The following F13A1 variants were observed in gnomAD, a reference collection of about 807,000 sequenced individuals.
F13A1 encodes coagulation factor XIII A chain.
F13A1 carries 47 observed loss-of-function variants against 80.1 expected under a neutral mutation model. The ratio of observed to expected loss-of-function variants is 0.59; its 90% CI spans 0.46 to 0.75. The LOEUF (loss-of-function observed/expected upper bound fraction) is 0.75. F13A1 is among the 30% of genes least tolerant of loss of function. The pLI is 0.00. For synonymous variants in F13A1, 349 were observed against 344.9 expected (o/e 1.01, Z -0.13); for missense variants, 817 against 930.4 (o/e 0.88, Z 1.59).
intron 8 of F13A1, chr6:6,206,587 A>C (rs1037604798): frequency 1.2e-5 from 6 of 509,270 alleles, no homozygotes; most frequent in African/African-American, 9.7e-5. Flanking sequence ...TTCCAGCAGC[A>C]GGAATGGATG....
At chr6:6,197,144 C>T (rs1446769580) in intron 9 of F13A1, 79 bp downstream of exon 9, 2 of 1,392,530 alleles carry the variant, frequency 1.4e-6, no homozygotes, top group African/African-American at 2.8e-5. Context: ...GGCGTGGTTC[C>T]CACACATCAA....
intron 14 of F13A1, among the ~76,000 whole-genome samples, chr6:6,146,984 A>C (rs1474629605): frequency 1.2e-4 from 19 of 152,240 alleles, no homozygotes; most frequent in Non-Finnish European, 1.5e-5. Context: ...ATAAAAAGGA[A>C]TGAAACAATG....
intron 10 of F13A1, among the ~76,000 whole-genome samples, chr6:6,185,342 T>C (rs1356813978): frequency 7.2e-6 from 1 of 138,658 alleles, no homozygotes; most frequent in Non-Finnish European, 1.5e-5. Context: ...GTCCATGTGA[T>C]CTCATTGTTC....
intron 12 of F13A1, among the ~76,000 whole-genome samples, chr6:6,171,480 G>A (rs1473848532): frequency 2.0e-5 from 3 of 152,154 alleles, no homozygotes; most frequent in African/African-American, 7.2e-5. Flanking sequence ...CAGCCAATCA[G>A]GCGGGCTCCA....
At chr6:6,262,579 C>G (rs150958978) in intron 4 of F13A1, among the ~76,000 whole-genome samples, 1 of 152,260 alleles carries the variant, frequency 6.6e-6, no homozygotes, top group African/African-American at 2.4e-5. Context: ...GGAGCACCCT[C>G]CCGGCATGTC....
intron 14 of F13A1, 94 bp downstream of exon 14, chr6:6,151,719 C>G: frequency 1.3e-6 from 2 of 1,552,516 alleles, no homozygotes; most frequent in Non-Finnish European, 1.8e-6. Flanking sequence ...GACATTTTCA[C>G]TGGGGAGCAG....
intron 8 of F13A1, among the ~76,000 whole-genome samples, chr6:6,210,324 GATATATATATAT>G (rs34960466): frequency 4.8e-5 from 4 of 82,906 alleles, no homozygotes; most frequent in Non-Finnish European, 7.0e-5. Context: ...TGTAGCATGT[GATATATATATAT>G]ATATATATAT....
In F13A1 at chr6:6,248,390, C is replaced by T. The variant is rs140082834; in HGVS notation, c.720G>A (p.Leu240=). The T allele has an allele frequency of 1.5e-5, 25 of 1,613,722 alleles. No homozygotes were observed. The African/African-American group carries it at 2.5e-4, about 16-fold the overall frequency. Residue 240 remains leucine, a synonymous_variant, in exon 6 of 15, where the codon CTG becomes CTA. Coordinates refer to ENST00000264870, the MANE Select transcript of F13A1 (RefSeq NM_000129.4). ...CCATTTGTGCTCTGTCCATCACATA[C>T]AGGCAAGTGTCCAGGATGCCATCTT... is the stretch of plus-strand genomic sequence containing the variant. The part of the protein sequence containing the change: ...QFEDGILDTC[L]YVMDRAQMDL...
intron 3 of F13A1, among the ~76,000 whole-genome samples, chr6:6,280,367 A>G (rs943632742): frequency 9.9e-5 from 15 of 152,246 alleles, no homozygotes; most frequent in South Asian, 2.1e-4. Context: ...CCGTGGGGGA[A>G]GTCAACGACT....
At chr6:6,217,448 T>C (rs1224233068) in intron 8 of F13A1, among the ~76,000 whole-genome samples, 4 of 147,646 alleles carry the variant, frequency 2.7e-5, no homozygotes, top group African/African-American at 5.0e-5. Context: ...AAACACCGCA[T>C]ATTCTCACTC....
intron 3 of F13A1, among the ~76,000 whole-genome samples, chr6:6,275,550 G>A (rs72817044): frequency 6.6e-6 from 1 of 152,162 alleles, no homozygotes; most frequent in Non-Finnish European, 1.5e-5. Context: ...TGTACTTTTA[G>A]TAGATAGGGA....
At chr6:6,210,758 C>G (rs1157299702) in intron 8 of F13A1, among the ~76,000 whole-genome samples, 2 of 151,874 alleles carry the variant, frequency 1.3e-5, no homozygotes, top group Admixed American at 6.6e-5. Flanking sequence ...CCAAGTCTCA[C>G]TCTGTCACCC....
At chr6:6,204,438 C>T (rs1761451893) in intron 8 of F13A1, among the ~76,000 whole-genome samples, 2 of 152,206 alleles carry the variant, frequency 1.3e-5, no homozygotes, top group Admixed American at 1.3e-4. Context: ...GAAAGAAAGG[C>T]ACTGTCTATC....
rs771180859 is a variant in F13A1 at position 6,145,666 on chromosome 6, CAT to C, written c.2150_2151del (p.His717ArgfsTer42). 2 of 1,614,204 alleles carry C rather than the reference CAT, an allele frequency of 1.2e-6. No individual in the cohort carries two copies. The highest frequency in any genetic ancestry group is 1.3e-5 in the African/African-American group (1 of 75,058). On this transcript the variant is annotated frameshift_variant, in exon 15 of 15. Transcript: ENST00000264870. LOFTEE classifies it high-confidence loss of function. ...IASMSSDSLRHVYGELDVQIQ... is the reference protein window; with the variant it reads ...IASMSSDSLRXVYGELDVQIQ... ...ATCTGCACGTCCAGCTCGCCATACA[CAT>C]GTCTCAGGGAGTCACTGCTCATGCT...
chr6:6,190,028 C>T (rs1166271011), intron 10 of F13A1, among the ~76,000 whole-genome samples: 1 of 152,180 alleles, frequency 6.6e-6, no homozygotes, highest in Non-Finnish European at 1.5e-5. Flanking sequence ...GCTCCTGAGG[C>T]TTCTGCATTC....
chr6:6,218,623 G>A (rs946997720), intron 8 of F13A1, among the ~76,000 whole-genome samples: 8 of 152,164 alleles, frequency 5.3e-5, no homozygotes, highest in African/African-American at 1.9e-4. Context: ...GAACAGCTAA[G>A]GAGCTCAGAC....
chr6:6,206,586 C>T (rs779437473), intron 8 of F13A1: 9 of 509,010 alleles, frequency 1.8e-5, no homozygotes, highest in South Asian at 1.2e-4. Flanking sequence ...ATTCCAGCAG[C>T]AGGAATGGAT....
chr6:6,291,320 T>A (rs1758222020), intron 3 of F13A1, among the ~76,000 whole-genome samples: 1 of 152,064 alleles, frequency 6.6e-6, no homozygotes, highest in South Asian at 2.1e-4. Flanking sequence ...GACTGATTCT[T>A]CCCTCTCTGC....
intron 8 of F13A1, among the ~76,000 whole-genome samples, chr6:6,199,623 C>T (rs1761356712): frequency 6.6e-6 from 1 of 152,162 alleles, no homozygotes; most frequent in Non-Finnish European, 1.5e-5. Context: ...AATCCACACT[C>T]TTCAACACTG....
Sources: gnomAD v4.1 joint callset for allele counts (sites outside exome capture counted in the v4.1 genomes callset) on GRCh38, gnomAD v4.1.1 for gene constraint, MANE v1.5 for transcripts, NCBI Gene and HGNC (gene_info 2026-07-23, HGNC 2026-07-21) for gene names.